Variants in MAPK7 observed in about 807,000 individuals in gnomAD.
MAPK7 encodes the protein mitogen-activated protein kinase 7.
MAPK7 carries 30 observed loss-of-function variants against 56.9 expected under a neutral mutation model. The ratio of observed to expected loss-of-function variants is 0.53; its 90% confidence interval spans 0.39 to 0.72. MAPK7 has a LOEUF of 0.72. Ranked by LOEUF, MAPK7 falls within the 30% of genes least tolerant of loss-of-function variation. The probability of loss-of-function intolerance (pLI) is 0.00; values close to 1 mark genes in which losing one functional copy is unlikely to be tolerated. For missense variants in MAPK7, 952 were observed against 1,110.8 expected (o/e 0.86, Z 2.03); for synonymous variants, 516 against 449.3 (o/e 1.15, Z -1.88).
Position 19,382,911 on chromosome 17 carries a change from T to G in MAPK7, c.2262T>G (p.Ser754=). The G allele has an allele frequency of 6.2e-7, 1 of 1,614,252 alleles. No individual in the cohort carries two copies. The highest frequency in any genetic ancestry group is 8.5e-7 in the Non-Finnish European group (1 of 1,180,040). The change falls in exon 6 of 7, where the codon TCT becomes TCG. Residue 754 remains serine, a synonymous_variant. Transcript: ENST00000395604. ...GFDLEEFLNQ[S]FDMGVADGPQ... ...ACCTGGAGGAATTCTTAAACCAGTC[T>G]TTCGACATGGGCGTGGCTGATGGGC... is the stretch of plus-strand genomic sequence containing the variant.
chr17:19,382,057 CTG>C lies in MAPK7; in HGVS notation c.1757_1758del (p.Val586AlafsTer123), dbSNP rs1567922378. 1.3e-6 allele frequency: 2 copies of C among 1,584,438 alleles called. No homozygotes were observed. Among genetic ancestry groups the C allele is most frequent in the Non-Finnish European group, 1.7e-6 (2 of 1,165,900 alleles). ...CGGCCCGCAGCCCCAGCCCTCACCT[CTG>C]TGCCGGCCCCTGCCCCAGCGCCAAC... On this transcript the variant is annotated frameshift_variant, in exon 5 of 7. Transcript: ENST00000395604. LOFTEE classifies it high-confidence loss of function.
chr17:19,379,480 G>A (rs1361281610), intron 2 of MAPK7: 1 of 554,352 alleles, frequency 1.8e-6, no homozygotes, highest in Non-Finnish European at 3.2e-6. Context: ...AGATGGAGAG[G>A]GTGTAGGCAT....
chr17:19,380,985 G>T lies in MAPK7; in HGVS notation c.776G>T (p.Arg259Leu). Residue 259 changes from arginine (R) to leucine (L), a missense_variant, in exon 4 of 7, where the codon CGC becomes CTC. This residue lies in a region of MAPK7 where 429 missense variants were observed against 533.0 expected (regional missense o/e 0.80). Transcript: ENST00000395604. ...GCIFGEMLAR[R>L]QLFPGKNYVH... Reference sequence around the variant, plus strand: ...ATCTTTGGTGAGATGCTGGCCCGGCGCCAGCTCTTCCCAGGCAAAAACTAT... The same window carrying T: ...ATCTTTGGTGAGATGCTGGCCCGGCTCCAGCTCTTCCCAGGCAAAAACTAT... 6.2e-7 allele frequency: 1 copy of T among 1,614,142 alleles called. No homozygotes were observed. Among genetic ancestry groups the T allele is most frequent in the South Asian group, 1.1e-5 (1 of 91,080 alleles).
chr17:19,378,720 GC>G lies in MAPK7; in HGVS notation c.-6+95del. On this transcript the variant is annotated intron_variant, in intron 1 of 6. Coordinates refer to ENST00000395604, the MANE Select transcript of MAPK7 (RefSeq NM_002749.4). This position sits in a 1 kb window ranked among gnomAD's most constrained non-coding sequence, Gnocchi z 5.4. The stretch of plus-strand genomic sequence containing the variant: ...CCTACCCCTCCCCCGACCCTGGCGG[GC>G]CCCCGGCTCTGGGCCCGGACCCCTG... 7.2e-7 allele frequency: 1 copy of G among 1,381,508 alleles called. No homozygotes were observed. The highest frequency in any genetic ancestry group is 9.4e-7 in the Non-Finnish European group (1 of 1,058,348). The allele number at this position is 1,381,508 out of a possible 1,614,324, so 85.6% of individuals were successfully genotyped here.
rs1485497575 is a variant in MAPK7 at position 19,378,735 on chromosome 17, C to T, written c.-6+105C>T. 1.5e-6 allele frequency: 2 copies of T among 1,345,230 alleles called. No individual in the cohort carries two copies. The highest frequency in any genetic ancestry group is 3.0e-5 in the Admixed American group (1 of 33,622). 83.3% of individuals were successfully genotyped at this position (1,345,230 alleles called of 1,614,324 possible). On this transcript the variant is annotated intron_variant, in intron 1 of 6. Coordinates refer to ENST00000395604, the MANE Select transcript of MAPK7 (RefSeq NM_002749.4). This position sits in a 1 kb window ranked among gnomAD's most constrained non-coding sequence, Gnocchi z 5.4. ...ACCCTGGCGGGCCCCCGGCTCTGGG[C>T]CCGGACCCCTGGGGTAGCTAGTCTG...
Position 19,382,042 on chromosome 17 carries a change from C to T in MAPK7, c.1739C>T (p.Ala580Val). Residue 580 changes from alanine (A) to valine (V), a missense_variant, in exon 5 of 7, where the codon GCC becomes GTC. Around this residue, in one of 5 missense-constraint regions of MAPK7, gnomAD observed 234 missense variants for 210.4 expected, o/e 1.11. Coordinates refer to ENST00000395604, the MANE Select transcript of MAPK7 (RefSeq NM_002749.4). The part of the protein sequence containing the change: ...ERWTRMARPA[A>V]PALTSVPAPA... ...TGGACTCGAATGGCCCGGCCCGCAG[C>T]CCCAGCCCTCACCTCTGTGCCGGCC... The T allele has an allele frequency of 3.2e-6, 5 of 1,573,100 alleles. No homozygotes were observed. The highest frequency in any genetic ancestry group is 1.2e-5 in the South Asian group (1 of 86,796).
chr17:19,377,913 G>A (rs575370576), upstream of MAPK7: 76 of 985,404 alleles, frequency 7.7e-5, no homozygotes, highest in South Asian at 3.1e-3. Flanking sequence ...GCTGCGGAGA[G>A]GCTCAGCCAC....
intron 3 of MAPK7, 52 bp from the exon 4 acceptor site, chr17:19,380,556 C>T: frequency 1.3e-6 from 2 of 1,546,338 alleles, no homozygotes; most frequent in South Asian, 1.2e-5. Flanking sequence ...GGGGCTTGTC[C>T]CTGGAGTGTG....
chr17:19,378,599 G>C lies in MAPK7; in HGVS notation c.-37G>C, dbSNP rs1370805861. ...TGGGGACGGGAGGCCGGCGAGCCTCGGGACCTCTGAAAGCCTTGAGGAGGC... is the reference window on the plus strand; with the variant it reads ...TGGGGACGGGAGGCCGGCGAGCCTCCGGACCTCTGAAAGCCTTGAGGAGGC... On this transcript the variant is annotated 5_prime_UTR_variant, in exon 1 of 7. Transcript: ENST00000395604. The surrounding 1 kb of genome is among the most constrained non-coding windows in gnomAD (Gnocchi z 5.4). 1.1e-5 allele frequency: 14 copies of C among 1,249,146 alleles called. No homozygotes were observed. The Admixed American group carries it at 4.0e-4, about 36-fold the overall frequency. 77.4% of individuals were successfully genotyped at this position (1,249,146 alleles called of 1,614,324 possible).
In MAPK7 at chr17:19,381,558, A is replaced by T. The variant is rs767593957; in HGVS notation, c.1349A>T (p.Asp450Val). The T allele has an allele frequency of 6.2e-7, 1 of 1,613,590 alleles. No individual in the cohort carries two copies. Among genetic ancestry groups the T allele is most frequent in the South Asian group, 1.1e-5 (1 of 91,076 alleles). Residue 450 changes from aspartate (D) to valine (V), a missense_variant, in exon 4 of 7, where the codon GAT becomes GTT. Around this residue, in one of 5 missense-constraint regions of MAPK7, gnomAD observed 429 missense variants for 533.0 expected, o/e 0.80. Coordinates refer to ENST00000395604, the MANE Select transcript of MAPK7 (RefSeq NM_002749.4). The surrounding 1 kb of genome is among the most constrained non-coding windows in gnomAD (Gnocchi z 4.6). Reference sequence around the variant, plus strand: ...CCCGGCCCTGCACCTGACACCATTGATCTGACCCTGCAGCCACCTCCACCA... The same window carrying T: ...CCCGGCCCTGCACCTGACACCATTGTTCTGACCCTGCAGCCACCTCCACCA... ...PCPGPAPDTI[D>V]LTLQPPPPVS...
Position 19,381,617 on chromosome 17 carries a change from G to A in MAPK7, c.1408G>A (p.Ala470Thr). 1 of 1,613,714 alleles carries A rather than the reference G, an allele frequency of 6.2e-7. No individual in the cohort carries two copies. Among genetic ancestry groups the A allele is most frequent in the East Asian group, 2.2e-5 (1 of 44,884 alleles). Residue 470 changes from alanine (A) to threonine (T), a missense_variant, in exon 4 of 7, where the codon GCC becomes ACC. Ala to Thr is a moderately conservative substitution (Grantham distance 58). Around this residue, in one of 5 missense-constraint regions of MAPK7, gnomAD observed 429 missense variants for 533.0 expected, o/e 0.80. Transcript: ENST00000395604. The surrounding 1 kb of genome is among the most constrained non-coding windows in gnomAD (Gnocchi z 4.6). ...GCCTGCCCCACCAAAGAAAGATGGT[G>A]CCATCTCAGACAATACTAAGGCTGC... The part of the protein sequence containing the change: ...SEPAPPKKDG[A>T]ISDNTKAALK...
rs1042293921 is a variant in MAPK7 at position 19,382,289 on chromosome 17, C to G, written c.1986C>G (p.Ser662Arg). The G allele has an allele frequency of 5.6e-6, 9 of 1,612,892 alleles. No homozygotes were observed. Among genetic ancestry groups the G allele is most frequent in the Non-Finnish European group, 6.8e-6 (8 of 1,179,966 alleles). Residue 662 changes from serine (S) to arginine (R), a missense_variant, in exon 5 of 7, where the codon AGC (serine) becomes AGG (arginine). Ser to Arg is a moderately radical substitution (Grantham distance 110). This residue lies in a region of MAPK7 where 234 missense variants were observed against 210.4 expected (regional missense o/e 1.11). Coordinates refer to ENST00000395604, the MANE Select transcript of MAPK7 (RefSeq NM_002749.4). The stretch of plus-strand genomic sequence containing the variant: ...CACCCCAGATTGCCACCTCCACCAG[C>G]CTCCTGGCTGCCCAGTCACTTGTGC... ...PAPPQIATST[S>R]LLAAQSLVPP...
At chr17:19,382,758 CAG>C (rs1204155888) in intron 5 of MAPK7, 53 bp from the exon 6 acceptor site, 2 of 1,595,236 alleles carry the variant, frequency 1.3e-6, no homozygotes, top group Admixed American at 3.4e-5. Flanking sequence ...AGCATTGGGA[CAG>C]GGTGGCCTAC....
At chr17:19,377,900 G>A (rs1440437485), upstream of MAPK7, 42 of 985,304 alleles carry the variant, frequency 4.3e-5, no homozygotes, top group Non-Finnish European at 4.7e-5. Context: ...AACTTGGCCG[G>A]AAGCTGCGGA....
At position 19,383,120 on chromosome 17, in the gene MAPK7, C is replaced by T; in HGVS notation, c.2340C>T (p.Asp780=). Reference sequence around the variant, plus strand: ...CTCTCTCAGCCTCCCTGCTTGCTGACTGGCTCGAAGGCCATGGCATGAACC... The same window carrying T: ...CTCTCTCAGCCTCCCTGCTTGCTGATTGGCTCGAAGGCCATGGCATGAACC... ...SASLSASLLA[D]WLEGHGMNPA... Residue 780 remains aspartate, a synonymous_variant, in exon 7 of 7, where the codon GAC becomes GAT. Coordinates refer to ENST00000395604, the MANE Select transcript of MAPK7 (RefSeq NM_002749.4). 1.2e-6 allele frequency: 2 copies of T among 1,614,180 alleles called. No homozygotes were observed. The highest frequency in any genetic ancestry group is 1.7e-6 in the Non-Finnish European group (2 of 1,180,028).
chr17:19,378,460 G>C, upstream of MAPK7: 9 of 1,027,936 alleles, frequency 8.8e-6, no homozygotes, highest in Non-Finnish European at 9.3e-6. This position sits in a 1 kb window ranked among gnomAD's most constrained non-coding sequence, Gnocchi z 5.4. Flanking sequence ...GAGCTGGAGG[G>C]AGCGTGGCCT....
chr17:19,378,847 A>G lies in MAPK7; in HGVS notation c.-5-49A>G, dbSNP rs1912345331. On this transcript the variant is annotated intron_variant, in intron 1 of 6. Coordinates refer to ENST00000395604, the MANE Select transcript of MAPK7 (RefSeq NM_002749.4). This position sits in a 1 kb window ranked among gnomAD's most constrained non-coding sequence, Gnocchi z 5.4. The stretch of plus-strand genomic sequence containing the variant: ...CTGCTCCCCAGCCCGCAGAGGGGAC[A>G]CTGAGGCCCACGGTAGGTGGTCCTC... 2 of 1,458,400 alleles carry G rather than the reference A, an allele frequency of 1.4e-6. No individual in the cohort carries two copies. The highest frequency in any genetic ancestry group is 1.9e-6 in the Non-Finnish European group (2 of 1,070,774). The allele number at this position is 1,458,400 out of a possible 1,614,324, so 90.3% of individuals were successfully genotyped here. A position where few individuals can be genotyped will look rare whatever the true frequency, so the allele number is the denominator to read the frequency against.
Position 19,381,552 on chromosome 17 carries a change from C to T in MAPK7, c.1343C>T (p.Thr448Ile), listed in dbSNP as rs761954426. 9 of 1,613,792 alleles carry T rather than the reference C, an allele frequency of 5.6e-6. No individual in the cohort carries two copies. The highest frequency in any genetic ancestry group is 7.6e-6 in the Non-Finnish European group (9 of 1,179,984). ...PPPCPGPAPD[T>I]IDLTLQPPPP... ...CCATGCCCCGGCCCTGCACCTGACA[C>T]CATTGATCTGACCCTGCAGCCACCT... Residue 448 changes from threonine (T) to isoleucine (I), a missense_variant, in exon 4 of 7, where the codon ACC (threonine) becomes ATC (isoleucine). Physicochemically the swap from Thr to Ile is moderately conservative, Grantham distance 89. Coordinates refer to ENST00000395604, the MANE Select transcript of MAPK7 (RefSeq NM_002749.4). The surrounding 1 kb of genome is among the most constrained non-coding windows in gnomAD (Gnocchi z 4.6).
Position 19,383,211 on chromosome 17 carries a change from C to T in MAPK7, c.2431C>T (p.Pro811Ser), listed in dbSNP as rs915682482. 5.6e-6 allele frequency: 9 copies of T among 1,613,926 alleles called. No individual in the cohort carries two copies. Among genetic ancestry groups the T allele is most frequent in the Non-Finnish European group, 6.8e-6 (8 of 1,179,996 alleles). Residue 811 changes from proline (P) to serine (S), a missense_variant, in exon 7 of 7, where the codon CCT becomes TCT. This residue lies in a region of MAPK7 where 73 missense variants were observed against 104.6 expected (regional missense o/e 0.70). Coordinates refer to ENST00000395604, the MANE Select transcript of MAPK7 (RefSeq NM_002749.4). ...CTCCCCAATGCTGCTGGCTGACCTG[C>T]CTGACCTCCAGGACCCCTGAGGCCC... is the stretch of plus-strand genomic sequence containing the variant. Reference protein sequence around the residue: ...MDSPMLLADLPDLQDP With the variant: ...MDSPMLLADLSDLQDP
Sources: allele counts gnomAD v4.1 joint callset, GRCh38; gene constraint gnomAD v4.1.1; regional missense constraint gnomAD v4.1.1; non-coding constraint Gnocchi (gnomAD v3.1); transcripts MANE v1.5; gene names NCBI Gene and HGNC (gene_info 2026-07-23, HGNC 2026-07-21).